Variants in NARS2 observed in about 807,000 individuals in gnomAD.
NARS2 encodes the protein asparaginyl-tRNA synthetase.
In NARS2, 60 loss-of-function variants were observed where a neutral mutation model predicts 62.9. The ratio of observed to expected loss-of-function variants is 0.95; its 90% CI spans 0.77 to 1.18. NARS2 has a LOEUF of 1.18. Among genes scored for constraint, NARS2 ranks in the 50% most tolerant of loss-of-function variants. The probability of loss-of-function intolerance (pLI) is 0.00; values close to 1 mark genes in which losing one functional copy is unlikely to be tolerated. For synonymous variants in NARS2, 196 were observed against 200.0 expected, an observed-to-expected ratio of 0.98 and a Z score of 0.17; for missense variants, 619 against 576.4, an observed-to-expected ratio of 1.07 and a Z score of -0.76.
Position 78,466,005 on chromosome 11 carries a change from A to G in NARS2, c.1035T>C (p.Ala345=). The part of the protein sequence containing the change: ...QNFTFTPEWG[A]DLRTEHEKYL... Reference sequence around the variant, plus strand: ...ACTTTTCATGTTCAGTCCGTAGGTCAGCACCCCACTGTAATGAGAAGAAAG... The same window carrying G: ...ACTTTTCATGTTCAGTCCGTAGGTCGGCACCCCACTGTAATGAGAAGAAAG... Residue 345 remains alanine, a synonymous_variant, in exon 11 of 14, where the codon GCT becomes GCC. Coordinates refer to ENST00000281038, the MANE Select transcript of NARS2 (RefSeq NM_024678.6). The G allele has an allele frequency of 6.2e-7, 1 of 1,603,912 alleles. No homozygotes were observed. Among genetic ancestry groups the G allele is most frequent in the Non-Finnish European group, 8.5e-7 (1 of 1,176,204 alleles).
chr11:78,449,115 T>C (rs183791516), intron 11 of NARS2, among the ~76,000 whole-genome samples: 5 of 151,780 alleles, frequency 3.3e-5, no homozygotes, highest in Admixed American at 3.3e-4. Flanking sequence ...TCTAAACCTT[T>C]TGAGTCACCT....
Position 78,567,196 on chromosome 11 carries a change from AG to A in NARS2, c.373-925del, listed in dbSNP as rs563865435. On this transcript the variant is annotated intron_variant, in intron 3 of 13. Transcript: ENST00000281038. Reference sequence around the variant, plus strand: ...ATATAGTAGTCCCCCACTTACCCACAGGGGATATGTTCCAAGACCCCCAGTG... The same window carrying A: ...ATATAGTAGTCCCCCACTTACCCACAGGGATATGTTCCAAGACCCCCAGTG... 4.5e-4 allele frequency among the ~76,000 whole-genome samples: 69 copies of A among 152,308 alleles called. 1 individual carries two copies. The South Asian group carries it at 0.011, about 23-fold the overall frequency.
Position 78,489,087 on chromosome 11 carries a change from C to G in NARS2, c.822+3976G>C, listed in dbSNP as rs1170195178. Among the ~76,000 whole-genome samples, 9 of 151,772 alleles carry G rather than the reference C, an allele frequency of 5.9e-5. No individual in the cohort carries two copies. The East Asian group carries it at 1.7e-3, about 29-fold the overall frequency. On this transcript the variant is annotated intron_variant, in intron 7 of 13. Transcript: ENST00000281038. Reference sequence around the variant, plus strand: ...AGGTAAAGAGTTCTTAGACTTGACACAAAAAGCATAATCCATGAAAGAAAA... The same window carrying G: ...AGGTAAAGAGTTCTTAGACTTGACAGAAAAAGCATAATCCATGAAAGAAAA...
At chr11:78,551,839 G>A (rs868803483) in intron 5 of NARS2, among the ~76,000 whole-genome samples, 13 of 151,504 alleles carry the variant, frequency 8.6e-5, no homozygotes, top group Middle Eastern at 3.4e-3. Context: ...GAACAAGAGC[G>A]AGACTTTGTC....
intron 6 of NARS2, among the ~76,000 whole-genome samples, chr11:78,496,134 G>C (rs569305120): frequency 6.6e-6 from 1 of 152,250 alleles, no homozygotes; most frequent in African/African-American, 2.4e-5. Context: ...TAAAGTAACA[G>C]AGTGATAAAA....
chr11:78,491,171 C>G (rs1859803246), intron 7 of NARS2, among the ~76,000 whole-genome samples: 1 of 152,234 alleles, frequency 6.6e-6, no homozygotes, highest in Non-Finnish European at 1.5e-5. Flanking sequence ...ACTACTGATA[C>G]TTTGGGCCAG....
At chr11:78,504,723 C>G (rs1327991319) in intron 6 of NARS2, among the ~76,000 whole-genome samples, 2 of 152,074 alleles carry the variant, frequency 1.3e-5, no homozygotes, top group African/African-American at 4.8e-5. Context: ...TCTTCTACAG[C>G]CTATGAGGCA....
intron 7 of NARS2, among the ~76,000 whole-genome samples, chr11:78,492,388 T>C (rs1859860081): frequency 6.6e-6 from 1 of 152,210 alleles, no homozygotes; most frequent in African/African-American, 2.4e-5. Flanking sequence ...AAATCATTGT[T>C]CATATTGCTG....
chr11:78,438,441 C>T (rs1857478055), intron 13 of NARS2, among the ~76,000 whole-genome samples: 1 of 152,092 alleles, frequency 6.6e-6, no homozygotes, highest in Non-Finnish European at 1.5e-5. Flanking sequence ...CACCAAACTA[C>T]CTGTCACAGA....
At chr11:78,496,039 T>C (rs1860042526) in intron 6 of NARS2, among the ~76,000 whole-genome samples, 1 of 152,162 alleles carries the variant, frequency 6.6e-6, no homozygotes, top group South Asian at 2.1e-4. Context: ...ATTTCAATTA[T>C]AGTAAGGATC....
At chr11:78,537,850 G>A (rs1447547931) in intron 5 of NARS2, among the ~76,000 whole-genome samples, 1 of 152,172 alleles carries the variant, frequency 6.6e-6, no homozygotes, top group East Asian at 1.9e-4. Flanking sequence ...ATGTTTGTCT[G>A]ACTTAATTAT....
At chr11:78,510,214 A>C (rs541933485) in intron 6 of NARS2, among the ~76,000 whole-genome samples, 2 of 152,090 alleles carry the variant, frequency 1.3e-5, no homozygotes, top group South Asian at 4.1e-4. Flanking sequence ...AAATGACCCA[A>C]TTATATGCTG....
intron 9 of NARS2, among the ~76,000 whole-genome samples, chr11:78,476,245 G>A (rs555096210): frequency 2.0e-5 from 3 of 152,210 alleles, no homozygotes; most frequent in South Asian, 2.1e-4. Context: ...ACTAAGATCC[G>A]TGTACTGGTT....
intron 4 of NARS2, among the ~76,000 whole-genome samples, chr11:78,560,577 C>A (rs1210676754): frequency 1.3e-5 from 2 of 152,198 alleles, no homozygotes; most frequent in Non-Finnish European, 2.9e-5. Context: ...AAATACATAT[C>A]TCTGCCAAGT....
chr11:78,507,357 G>A (rs1235236139), intron 6 of NARS2, among the ~76,000 whole-genome samples: 1 of 151,974 alleles, frequency 6.6e-6, no homozygotes, highest in East Asian at 1.9e-4. Context: ...AAGACATTAA[G>A]TTTATACTTT....
intron 6 of NARS2, among the ~76,000 whole-genome samples, chr11:78,518,090 T>C (rs2135403611): frequency 6.6e-6 from 1 of 152,226 alleles, no homozygotes; most frequent in South Asian, 2.1e-4. Flanking sequence ...GACTTTGGAT[T>C]GAAAATATTT....
intron 5 of NARS2, among the ~76,000 whole-genome samples, chr11:78,557,034 C>G (rs1173664311): frequency 6.6e-6 from 1 of 152,210 alleles, no homozygotes; most frequent in Non-Finnish European, 1.5e-5. Flanking sequence ...GAACAAATGC[C>G]TTGAAGGAAA....
chr11:78,506,822 C>T (rs1430399528), intron 6 of NARS2, among the ~76,000 whole-genome samples: 1 of 152,146 alleles, frequency 6.6e-6, no homozygotes, highest in African/African-American at 2.4e-5. Flanking sequence ...TACAGGCATC[C>T]GCCACTGCAC....
chr11:78,549,687 A>T (rs1287225882), intron 5 of NARS2, among the ~76,000 whole-genome samples: 1 of 152,180 alleles, frequency 6.6e-6, no homozygotes, highest in African/African-American at 2.4e-5. Flanking sequence ...AGACTTTGAA[A>T]ACAATAGCAC....
Sources: gnomAD v4.1 joint callset for allele counts (sites outside exome capture counted in the v4.1 genomes callset) on GRCh38, gnomAD v4.1.1 for gene constraint, MANE v1.5 for transcripts, NCBI Gene and HGNC (gene_info 2026-07-23, HGNC 2026-07-21) for gene names.